BMPR1B: variants seen among roughly 807,000 people sequenced by gnomAD.
BMPR1B encodes the protein bone morphogenetic protein receptor type-1B.
BMPR1B carries 12 observed loss-of-function variants against 59.1 expected under a neutral mutation model. That is an observed-to-expected ratio of 0.20 (90% confidence interval 0.13 to 0.33). BMPR1B has a LOEUF of 0.33. Ranked by LOEUF, BMPR1B falls within the 10% of genes least tolerant of loss-of-function variation. The probability of loss-of-function intolerance (pLI) is 1.00; values close to 1 mark genes in which losing one functional copy is unlikely to be tolerated. For missense variants in BMPR1B, 550 were observed against 610.9 expected, an observed-to-expected ratio of 0.90 and a Z score of 1.05; for synonymous variants, 237 against 207.3, an observed-to-expected ratio of 1.14 and a Z score of -1.23.
At chr4:94,904,172 A>G (rs1727941561) in intron 2 of BMPR1B, among the ~76,000 whole-genome samples, 1 of 152,044 alleles carries the variant, frequency 6.6e-6, no homozygotes, top group Non-Finnish European at 1.5e-5. Flanking sequence ...AACAATTGGT[A>G]CACATCATAT....
intron 2 of BMPR1B, among the ~76,000 whole-genome samples, chr4:94,887,820 C>T (rs1033275301): frequency 6.6e-6 from 1 of 151,966 alleles, no homozygotes; most frequent in African/African-American, 2.4e-5. Context: ...CAATAATTCA[C>T]AAAACCAATA....
In BMPR1B at chr4:94,833,191, T is replaced by TGAAAAAAAAAAAAAAAAAAAAAA. The variant is rs1205925053; in HGVS notation, c.-182-42640_-182-42639insGAAAAAAAAAAAAAAAAAAAAAA. On this transcript the variant is annotated intron_variant, in intron 1 of 12. Transcript: ENST00000515059. ...GGATGAGAGAGGCAGAGACTCTTTC[T>TGAAAAAAAAAAAAAAAAAAAAAA]CAAAAAAAAAAAAAAAAAAATGCAG... Among the ~76,000 whole-genome samples the TGAAAAAAAAAAAAAAAAAAAAAA allele has an allele frequency of 3.0e-5, 2 of 66,926 alleles. 1 individual carries two copies. 43.9% of individuals were successfully genotyped at this position (66,926 alleles called of 152,430 possible). A position where few individuals can be genotyped will look rare whatever the true frequency, so the allele number is the denominator to read the frequency against.
rs138900478 is a variant in BMPR1B at position 95,142,719 on chromosome 4, A to T, written c.1077-6029A>T. Among the ~76,000 whole-genome samples the T allele has an allele frequency of 3.3e-3, 501 of 151,890 alleles. 10 individuals are homozygous for T. Among genetic ancestry groups the T allele is most frequent in the East Asian group, 0.01 (53 of 5,142 alleles). ...TTCCCTGCGCTCGCCTCTCATTGCC[A>T]CAGCGGGCTGTGCTTAGGACTTTCA... On this transcript the variant is annotated intron_variant, in intron 10 of 12. Coordinates refer to ENST00000515059, the MANE Select transcript of BMPR1B (RefSeq NM_001203.3).
In BMPR1B at chr4:94,890,724, G is replaced by A. The variant is rs137990113; in HGVS notation, c.-113+14824G>A. Among the ~76,000 whole-genome samples the A allele has an allele frequency of 5.7e-4, 87 of 152,100 alleles. 1 individual carries two copies. Among genetic ancestry groups the A allele is most frequent in the South Asian group, 1.7e-3 (8 of 4,822 alleles). ...TTACAGACTGCCACCCTCTTACAGC[G>A]TCCTTACGTGGTGAAGAGAGACAGT... On this transcript the variant is annotated intron_variant, in intron 2 of 12. Coordinates refer to ENST00000515059, the MANE Select transcript of BMPR1B (RefSeq NM_001203.3).
At chr4:95,135,841 G>T (rs1234917182) in intron 10 of BMPR1B, among the ~76,000 whole-genome samples, 1 of 152,076 alleles carries the variant, frequency 6.6e-6, no homozygotes, top group Non-Finnish European at 1.5e-5. Context: ...TTTCCTAATT[G>T]AATACCCTTT....
At chr4:94,936,321 G>C (rs752866724) in intron 2 of BMPR1B, among the ~76,000 whole-genome samples, 1 of 152,114 alleles carries the variant, frequency 6.6e-6, no homozygotes, top group East Asian at 1.9e-4. Flanking sequence ...GAATTTCGTG[G>C]GACAGACAGG....
At chr4:94,888,653 G>A (rs1026861250) in intron 2 of BMPR1B, among the ~76,000 whole-genome samples, 90 of 152,052 alleles carry the variant, frequency 5.9e-4, no homozygotes, top group Admixed American at 5.3e-4. Flanking sequence ...TCCAAAGCTG[G>A]TAAGTGATGA....
intron 3 of BMPR1B, among the ~76,000 whole-genome samples, chr4:95,046,950 G>C (rs1236617162): frequency 6.6e-6 from 1 of 152,200 alleles, no homozygotes; most frequent in Non-Finnish European, 1.5e-5. Flanking sequence ...AGCTGCACAA[G>C]CAGGTGTATA....
At chr4:94,855,173 A>G (rs749581973) in intron 1 of BMPR1B, among the ~76,000 whole-genome samples, 4 of 152,144 alleles carry the variant, frequency 2.6e-5, no homozygotes, top group Admixed American at 6.6e-5. Context: ...ATTTTATTTT[A>G]TAATATGTGG....
intron 2 of BMPR1B, among the ~76,000 whole-genome samples, chr4:94,879,902 C>G (rs1726891733): frequency 6.6e-6 from 1 of 151,952 alleles, no homozygotes; most frequent in South Asian, 2.1e-4. Context: ...GTGGTTAAAC[C>G]AACCATATGG....
At chr4:95,033,634 G>A (rs1413890863) in intron 3 of BMPR1B, among the ~76,000 whole-genome samples, 1 of 152,106 alleles carries the variant, frequency 6.6e-6, no homozygotes, top group Non-Finnish European at 1.5e-5. Flanking sequence ...TGAGGGAATG[G>A]CCTAAGTTAA....
intron 2 of BMPR1B, among the ~76,000 whole-genome samples, chr4:94,990,350 G>C (rs1487748984): frequency 6.6e-6 from 1 of 152,072 alleles, no homozygotes; most frequent in Non-Finnish European, 1.5e-5. Context: ...ATGAGACTCT[G>C]TCCGTCTCAA....
intron 1 of BMPR1B, among the ~76,000 whole-genome samples, chr4:94,761,445 G>GTGTA (rs1045620883): frequency 1.3e-4 from 19 of 150,330 alleles, no homozygotes; most frequent in African/African-American, 4.5e-4. Flanking sequence ...GTGTGTGTGT[G>GTGTA]TGTGTGTGTG....
intron 3 of BMPR1B, among the ~76,000 whole-genome samples, chr4:95,063,567 C>T (rs1727570511): frequency 6.6e-6 from 1 of 152,074 alleles, no homozygotes; most frequent in African/African-American, 2.4e-5. Flanking sequence ...TGTATCTTTT[C>T]TTCTAGCAGC....
intron 3 of BMPR1B, among the ~76,000 whole-genome samples, chr4:95,034,777 C>T (rs1836265): frequency 0.95 from 144,901 of 151,924 alleles, 69,135 homozygotes; most frequent in Middle Eastern, 0.99. Flanking sequence ...ACTTTTTTTT[C>T]CCTCTGGGTA....
intron 4 of BMPR1B, among the ~76,000 whole-genome samples, chr4:95,107,855 G>A (rs1303209063): frequency 6.6e-6 from 1 of 152,004 alleles, no homozygotes; most frequent in Non-Finnish European, 1.5e-5. Flanking sequence ...ATTGATTCCA[G>A]TTGAATCTTC....
At chr4:95,064,861 A>G (rs191434309) in intron 3 of BMPR1B, among the ~76,000 whole-genome samples, 209 of 152,238 alleles carry the variant, frequency 1.4e-3, no homozygotes, top group African/African-American at 4.8e-3. Flanking sequence ...GCTGTAATAA[A>G]AGATATAATA....
At chr4:94,887,275 A>G (rs1285388023) in intron 2 of BMPR1B, among the ~76,000 whole-genome samples, 1 of 151,742 alleles carries the variant, frequency 6.6e-6, no homozygotes, top group African/African-American at 2.4e-5. Flanking sequence ...GAATTGTGTA[A>G]AATATCCTCA....
At chr4:95,124,148 G>A (rs570360475) in intron 7 of BMPR1B, among the ~76,000 whole-genome samples, 58 of 151,978 alleles carry the variant, frequency 3.8e-4, no homozygotes, top group African/African-American at 1.1e-3. Context: ...TATCCCTAGG[G>A]AAACTAGGGT....
Sources: gnomAD v4.1 joint callset for allele counts (sites outside exome capture counted in the v4.1 genomes callset) on GRCh38, gnomAD v4.1.1 for gene constraint, MANE v1.5 for transcripts, NCBI Gene and HGNC (gene_info 2026-07-23, HGNC 2026-07-21) for gene names.